Variants in NUFIP2 observed in about 807,000 individuals in gnomAD.
NUFIP2 encodes nuclear FMR1 interacting protein 2.
NUFIP2 carries 6 observed loss-of-function variants against 56.9 expected under a neutral mutation model. That is an observed-to-expected ratio of 0.11 (90% CI 0.06 to 0.21). The LOEUF (loss-of-function observed/expected upper bound fraction) is 0.21, where lower values mean the gene tolerates loss of function less well. Among genes scored for constraint, NUFIP2 ranks in the 10% least tolerant of loss-of-function variants. The probability of loss-of-function intolerance (pLI) is 1.00; values close to 1 mark genes in which losing one functional copy is unlikely to be tolerated. For missense variants in NUFIP2, 828 were observed against 826.8 expected (o/e 1.00, Z -0.02); for synonymous variants, 321 against 298.2 (o/e 1.08, Z -0.79).
rs1231852890 is a variant in NUFIP2, at chr17:29,262,676, C to T, written c.*1863G>A. ...CAGTTTACAGGTGAAATGAAACTAT[C>T]TGGAACTGGCCTACCACAAGTTTCT... On this transcript the variant is annotated 3_prime_UTR_variant, in exon 4 of 4. Transcript: ENST00000225388. The T allele has an allele frequency of 6.6e-6, 1 of 151,516 alleles. No individual in the cohort carries two copies. Among genetic ancestry groups the T allele is most frequent in the African/African-American group, 2.4e-5 (1 of 41,202 alleles). The allele number at this position is 151,516 out of a possible 1,614,324, so 9.4% of individuals were successfully genotyped here. A position where few individuals can be genotyped will look rare whatever the true frequency, so the allele number is the denominator to read the frequency against.
At chr17:29,288,255 C>T (rs2069190251) in intron 1 of NUFIP2, among the ~76,000 whole-genome samples, 1 of 152,224 alleles carries the variant, frequency 6.6e-6, no homozygotes, top group African/African-American at 2.4e-5. Context: ...CCATGTTAGC[C>T]AGGATGGTCT....
intron 2 of NUFIP2, among the ~76,000 whole-genome samples, chr17:29,283,179 A>G (rs889671968): frequency 6.6e-6 from 1 of 152,234 alleles, no homozygotes; most frequent in Non-Finnish European, 1.5e-5. Context: ...GCTTATATAA[A>G]TACCACTGAT....
Position 29,264,375 on chromosome 17 carries a change from C to CTATATATATATATATG in NUFIP2, c.*148_*163dup, listed in dbSNP as rs1567674958. On this transcript the variant is annotated 3_prime_UTR_variant, in exon 4 of 4. Transcript: ENST00000225388. ...ACTTTCAGTTGCCTTTTTTAAATAA[C>CTATATATATATATATG]TATATATATATATATGTATATATAT... The CTATATATATATATATG allele has an allele frequency of 4.9e-6, 1 of 203,776 alleles. No homozygotes were observed. The highest frequency in any genetic ancestry group is 2.4e-5 in the African/African-American group (1 of 41,254). 12.6% of individuals were successfully genotyped at this position (203,776 alleles called of 1,614,324 possible). A position where few individuals can be genotyped will look rare whatever the true frequency, so the allele number is the denominator to read the frequency against.
chr17:29,289,971 T>C (rs930726445), intron 1 of NUFIP2, among the ~76,000 whole-genome samples: 2 of 152,138 alleles, frequency 1.3e-5, no homozygotes, highest in African/African-American at 4.8e-5. Flanking sequence ...TGGCCCAGGT[T>C]GAAGTGCAGT....
At chr17:29,272,525 C>G (rs2069081469) in intron 2 of NUFIP2, among the ~76,000 whole-genome samples, 1 of 152,124 alleles carries the variant, frequency 6.6e-6, no homozygotes, top group African/African-American at 2.4e-5. Flanking sequence ...CAGGCGTGAG[C>G]CGCTGCACCT....
At chr17:29,285,946 C>A (rs776878313) in intron 2 of NUFIP2, 46 bp downstream of exon 2, 1 of 1,403,782 alleles carries the variant, frequency 7.1e-7, no homozygotes, top group Admixed American at 2.1e-5. Flanking sequence ...AAACAATATA[C>A]TAAATTGGCC....
In NUFIP2 at chr17:29,281,715, A is replaced by G. The variant is rs1366193567; in HGVS notation, c.2002+4277T>C. 2.0e-5 allele frequency among the ~76,000 whole-genome samples: 3 copies of G among 149,780 alleles called. No homozygotes were observed. In the East Asian group the frequency reaches 5.8e-4, roughly 29 times the overall value. On this transcript the variant is annotated intron_variant, in intron 2 of 3. Coordinates refer to ENST00000225388, the MANE Select transcript of NUFIP2 (RefSeq NM_020772.3). ...AAAAAAAAAAAAAAAAAAAACAGCT[A>G]AAAGGAAAATCCCACACAAGGAATT...
chr17:29,292,624 C>T (rs1187511352), intron 1 of NUFIP2, among the ~76,000 whole-genome samples: 1 of 149,866 alleles, frequency 6.7e-6, no homozygotes, highest in African/African-American at 2.4e-5. Context: ...AGGCCTCCTG[C>T]CTCTAGGAGC....
intron 1 of NUFIP2, among the ~76,000 whole-genome samples, chr17:29,288,282 T>C (rs2069190355): frequency 6.6e-6 from 1 of 152,238 alleles, no homozygotes; most frequent in South Asian, 2.1e-4. Context: ...CCTGACCTTG[T>C]GATCCGCCCG....
chr17:29,266,546 G>C (rs2069038052), intron 3 of NUFIP2, among the ~76,000 whole-genome samples: 1 of 151,768 alleles, frequency 6.6e-6, no homozygotes, highest in Admixed American at 6.6e-5. Flanking sequence ...ATACAATTCA[G>C]GAATTGTATA....
In NUFIP2 at chr17:29,255,878, GTC is replaced by G. The variant is rs1366857754; in HGVS notation, c.*8659_*8660del. 2 of 152,106 alleles carry G rather than the reference GTC, an allele frequency of 1.3e-5. No individual in the cohort carries two copies. Among genetic ancestry groups the G allele is most frequent in the Admixed American group, 1.3e-4 (2 of 15,282 alleles). The allele number at this position is 152,106 out of a possible 1,614,324, so 9.4% of individuals were successfully genotyped here. ...TTTTATTCAACAATGTACACTTATT[GTC>G]TCTCAATTTGATCTACAAATTTCTC... On this transcript the variant is annotated 3_prime_UTR_variant, in exon 4 of 4. Transcript: ENST00000225388.
chr17:29,292,209 CCTCATCCGAGG>C (rs1398828888), intron 1 of NUFIP2, among the ~76,000 whole-genome samples: 1 of 152,070 alleles, frequency 6.6e-6, no homozygotes, highest in East Asian at 1.9e-4. Flanking sequence ...CGGAGAGAAG[CCTCATCCGAGG>C]CAAGATGGTA....
At chr17:29,289,156 GAAAAA>G (rs953717210) in intron 1 of NUFIP2, among the ~76,000 whole-genome samples, 1 of 150,024 alleles carries the variant, frequency 6.7e-6, no homozygotes, top group Non-Finnish European at 1.5e-5. Flanking sequence ...AAGAAGAAAA[GAAAAA>G]AAAACCTTCA....
rs2069014559 is a variant in NUFIP2, at chr17:29,263,256, G to A, written c.*1283C>T. ...TACACAAGCTGCAGTGCAACAGGAT[G>A]GCAATGTAATGATAAGACAGGGCTA... On this transcript the variant is annotated 3_prime_UTR_variant, in exon 4 of 4. Transcript: ENST00000225388. The A allele has an allele frequency of 6.6e-6, 1 of 152,528 alleles. No homozygotes were observed. Among genetic ancestry groups the A allele is most frequent in the African/African-American group, 2.4e-5 (1 of 41,424 alleles). The allele number at this position is 152,528 out of a possible 1,614,324, so 9.4% of individuals were successfully genotyped here. A position where few individuals can be genotyped will look rare whatever the true frequency, so the allele number is the denominator to read the frequency against.
intron 3 of NUFIP2, among the ~76,000 whole-genome samples, chr17:29,266,724 AC>A (rs1222535990): frequency 6.6e-6 from 1 of 151,848 alleles, no homozygotes; most frequent in African/African-American, 2.4e-5. Flanking sequence ...TACATTAATA[AC>A]ATTTATGGCT....
intron 2 of NUFIP2, among the ~76,000 whole-genome samples, chr17:29,280,812 C>T (rs967261581): frequency 6.6e-6 from 1 of 151,796 alleles, no homozygotes; most frequent in African/African-American, 2.4e-5. Context: ...ATGGCGAAAC[C>T]CCGTCTCTAC....
chr17:29,287,237 T>G lies in NUFIP2; in HGVS notation c.757A>C (p.Thr253Pro), dbSNP rs374963311. Reference sequence around the variant, plus strand: ...AAAGTTTCAAGTCCCTGTTTTAAGGTTGGGACACTGGTCTCTTGTTGCATT... The same window carrying G: ...AAAGTTTCAAGTCCCTGTTTTAAGGGTGGGACACTGGTCTCTTGTTGCATT... ...KIMQQETSVP[T>P]LKQGLETFKP... is the part of the protein sequence containing the mutation. The change falls in exon 2 of 4, where the codon ACC (threonine) becomes CCC (proline). Residue 253 changes from threonine to proline, a missense_variant. Transcript: ENST00000225388. 536 of 1,614,214 alleles carry G rather than the reference T, an allele frequency of 3.3e-4. 11 individuals carry two copies. In the South Asian group the frequency reaches 5.6e-3, roughly 17 times the overall value.
chr17:29,287,694 A>C lies in NUFIP2; in HGVS notation c.300T>G (p.Asn100Lys), dbSNP rs1409152442. The change falls in exon 2 of 4, where the codon AAT (asparagine) becomes AAG (lysine). Residue 100 changes from asparagine to lysine, a missense_variant. Transcript: ENST00000225388. The part of the protein sequence containing the change: ...KKTGYGELNG[N>K]AGEREISLKN... ...TTAAAGATATTTCTCTTTCTCCAGCATTACCGTTTAGTTCACCATAGCCTA... is the reference window on the plus strand; with the variant it reads ...TTAAAGATATTTCTCTTTCTCCAGCCTTACCGTTTAGTTCACCATAGCCTA... The C allele has an allele frequency of 2.5e-6, 4 of 1,609,854 alleles. No individual in the cohort carries two copies. Among genetic ancestry groups the C allele is most frequent in the African/African-American group, 2.7e-5 (2 of 74,464 alleles).
At chr17:29,265,964 G>A (rs1365117551) in intron 3 of NUFIP2, among the ~76,000 whole-genome samples, 1 of 151,900 alleles carries the variant, frequency 6.6e-6, no homozygotes, top group African/African-American at 2.4e-5. Flanking sequence ...TACTTTGCAG[G>A]GTATATTTTC....
Sources: allele counts gnomAD v4.1 joint callset (sites outside exome capture counted in the v4.1 genomes callset), GRCh38; gene constraint gnomAD v4.1.1; transcripts MANE v1.5; gene names NCBI Gene and HGNC (gene_info 2026-07-23, HGNC 2026-07-21).